The following PCDH15 variants were observed in gnomAD, a reference collection of about 807,000 sequenced individuals.
The protein encoded by PCDH15 is protocadherin-15.
Under a neutral mutation model 178.5 loss-of-function variants are expected in PCDH15, and 129 were observed. That is an observed-to-expected ratio of 0.72 (90% confidence interval 0.63 to 0.84). The LOEUF (loss-of-function observed/expected upper bound fraction) is 0.84. Ranked by LOEUF, PCDH15 falls within the 40% of genes least tolerant of loss-of-function variation. The pLI is 0.00. For missense variants in PCDH15, 2,230 were observed against 2,099.9 expected (o/e 1.06, Z -1.21); for synonymous variants, 800 against 732.0 (o/e 1.09, Z -1.50).
At chr10:54,524,575 A>T (rs2083201020) in intron 3 of PCDH15, among the ~76,000 whole-genome samples, 1 of 152,176 alleles carries the variant, frequency 6.6e-6, no homozygotes, top group South Asian at 2.1e-4. Flanking sequence ...CTCTTCTTTC[A>T]GTAAGGCTTC....
chr10:54,443,766 A>AT (rs1399918438), intron 3 of PCDH15, among the ~76,000 whole-genome samples: 1 of 151,436 alleles, frequency 6.6e-6, no homozygotes, highest in African/African-American at 2.4e-5. Context: ...TGTCTTCTTT[A>AT]TTTTCATTCT....
At chr10:55,160,486 G>A (rs577111046) in intron 2 of PCDH15, among the ~76,000 whole-genome samples, 10 of 152,016 alleles carry the variant, frequency 6.6e-5, no homozygotes, top group African/African-American at 2.4e-4. Flanking sequence ...CTTAACACAT[G>A]TGCTATGTCA....
At chr10:55,265,514 A>G (rs1842265926) in intron 1 of PCDH15, among the ~76,000 whole-genome samples, 1 of 152,080 alleles carries the variant, frequency 6.6e-6, no homozygotes, top group Admixed American at 6.5e-5. Flanking sequence ...ACTTTGCATC[A>G]CATATAGCAT....
chr10:54,220,904 A>G (rs915645494), intron 9 of PCDH15, among the ~76,000 whole-genome samples: 2 of 152,054 alleles, frequency 1.3e-5, no homozygotes, highest in Non-Finnish European at 2.9e-5. Context: ...GACAAAGAGT[A>G]AAACCAAGTG....
chr10:54,189,290 GA>G (rs1020189935), intron 11 of PCDH15: 23 of 1,278,438 alleles, frequency 1.8e-5, no homozygotes, highest in Admixed American at 1.0e-4. Flanking sequence ...TTTTAGTGAA[GA>G]AAAAAAAGAA....
At chr10:54,701,047 G>C (rs987088223) in intron 1 of PCDH15, among the ~76,000 whole-genome samples, 1 of 152,058 alleles carries the variant, frequency 6.6e-6, no homozygotes, top group Admixed American at 6.6e-5. Context: ...GAAGAGATTA[G>C]GGGCCTATAT....
chr10:55,157,553 C>G (rs1358275271), intron 2 of PCDH15, among the ~76,000 whole-genome samples: 6 of 150,082 alleles, frequency 4.0e-5, no homozygotes, highest in Admixed American at 6.7e-5. Context: ...TTGGAACCAA[C>G]CCAAATGTCC....
At chr10:55,253,033 A>C (rs560804855) in intron 1 of PCDH15, among the ~76,000 whole-genome samples, 1 of 152,142 alleles carries the variant, frequency 6.6e-6, no homozygotes, top group Non-Finnish European at 1.5e-5. Flanking sequence ...TTTATTAAAT[A>C]AGGCAAAATT....
chr10:53,957,492 ATATTTACTATGTTTT>A (rs1172815446), intron 23 of PCDH15, among the ~76,000 whole-genome samples: 1 of 131,760 alleles, frequency 7.6e-6, no homozygotes, highest in Non-Finnish European at 1.6e-5. Context: ...ACCAAAGCCT[ATATTTACTATGTTTT>A]TTTTTTTTTC....
Position 54,189,253 on chromosome 10 carries a change from A to T in PCDH15, c.1306-3985T>A, listed in dbSNP as rs1039737464. 9.4e-6 allele frequency: 7 copies of T among 742,228 alleles called. No individual in the cohort carries two copies. In the African/African-American group the frequency reaches 1.2e-4, roughly 13 times the overall value. 46.0% of individuals were successfully genotyped at this position (742,228 alleles called of 1,614,324 possible). A position where few individuals can be genotyped will look rare whatever the true frequency, so the allele number is the denominator to read the frequency against. On this transcript the variant is annotated intron_variant, in intron 11 of 37. Coordinates refer to ENST00000644397, the MANE Select transcript of PCDH15 (RefSeq NM_001384140.1). ...ATAAAGTATTTGTAGATATCCTTATAAGGGATAATGAAGTAATACCTACGT... is the reference window on the plus strand; with the variant it reads ...ATAAAGTATTTGTAGATATCCTTATTAGGGATAATGAAGTAATACCTACGT...
intron 1 of PCDH15, among the ~76,000 whole-genome samples, chr10:54,743,592 T>C (rs1338850364): frequency 1.3e-5 from 2 of 151,980 alleles, no homozygotes; most frequent in Non-Finnish European, 2.9e-5. Flanking sequence ...CAGTTTTAAT[T>C]TGGCTTCTAA....
At position 55,543,197 on chromosome 10, in the gene PCDH15, C is replaced by CTA. The variant is rs527292294; in HGVS notation, c.-156+84426_-156+84427dup. Among the ~76,000 whole-genome samples the CTA allele has an allele frequency of 1.2e-3, 183 of 150,358 alleles. 1 individual carries two copies. Among genetic ancestry groups the CTA allele is most frequent in the African/African-American group, 4.3e-3 (176 of 41,134 alleles). Reference sequence around the variant, plus strand: ...TACATATATACACCATGTCCCTCAACTATATATATTTGTGTATACACATAA... The same window carrying CTA: ...TACATATATACACCATGTCCCTCAACTATATATATATTTGTGTATACACATAA... On this transcript the variant is annotated intron_variant, in intron 2 of 5. Coordinates refer to the PCDH15 transcript ENST00000613346.
intron 14 of PCDH15, among the ~76,000 whole-genome samples, chr10:54,144,010 C>G (rs140978798): frequency 2.4e-3 from 367 of 152,154 alleles, no homozygotes; most frequent in Non-Finnish European, 3.6e-3. Flanking sequence ...GGTGGTTAAT[C>G]AGGCTAAGTA....
At chr10:54,189,300 A>G in intron 11 of PCDH15, 1 of 1,386,666 alleles carries the variant, frequency 7.2e-7, no homozygotes, top group South Asian at 1.3e-5. Context: ...GAAAAAAAAG[A>G]ACAAGGAAAT....
chr10:55,052,433 C>T (rs939449654), intron 2 of PCDH15, among the ~76,000 whole-genome samples: 1 of 143,382 alleles, frequency 7.0e-6, no homozygotes, highest in African/African-American at 2.6e-5. Flanking sequence ...GGTGTGGTGG[C>T]TTATGCCTGT....
chr10:54,486,044 T>C (rs1430232920), intron 3 of PCDH15, among the ~76,000 whole-genome samples: 1 of 152,084 alleles, frequency 6.6e-6, no homozygotes, highest in South Asian at 2.1e-4. Flanking sequence ...TGCTGACTTT[T>C]ATCTTCCATG....
At chr10:54,251,427 A>G (rs1393442583) in intron 8 of PCDH15, among the ~76,000 whole-genome samples, 1 of 152,208 alleles carries the variant, frequency 6.6e-6, no homozygotes, top group African/African-American at 2.4e-5. Context: ...TTATTAATAA[A>G]CACAAACTAA....
intron 2 of PCDH15, among the ~76,000 whole-genome samples, chr10:54,996,520 T>C (rs1839647827): frequency 6.6e-6 from 1 of 152,200 alleles, no homozygotes; most frequent in Non-Finnish European, 1.5e-5. Context: ...GAGGTCAGTG[T>C]TCTATCCCAG....
At chr10:55,372,884 T>C (rs1053720007) in intron 2 of PCDH15, among the ~76,000 whole-genome samples, 2 of 152,104 alleles carry the variant, frequency 1.3e-5, no homozygotes, top group South Asian at 4.1e-4. Flanking sequence ...AAACATTCTA[T>C]TTATTACATT....
Sources: gnomAD v4.1 joint callset for allele counts (sites outside exome capture counted in the v4.1 genomes callset) on GRCh38, gnomAD v4.1.1 for gene constraint, MANE v1.5 for transcripts, NCBI Gene and HGNC (gene_info 2026-07-23, HGNC 2026-07-21) for gene names.